ST7: variants seen among roughly 807,000 people sequenced by gnomAD.
ST7 encodes the protein suppression of tumorigenicity 7, also known as suppressor of tumorigenicity 7 protein.
In ST7, 28 loss-of-function variants were observed where a neutral mutation model predicts 78.7. The observed-to-expected ratio is 0.36, with a 90% CI of 0.26 to 0.49. The LOEUF is 0.49. ST7 is among the 20% of genes least tolerant of loss of function. The pLI, the probability that ST7 is intolerant of heterozygous loss-of-function variation, is 0.99. For synonymous variants in ST7, 247 were observed against 249.6 expected, an observed-to-expected ratio of 0.99 and a Z score of 0.10; for missense variants, 418 against 696.0, an observed-to-expected ratio of 0.60 and a Z score of 4.49.
chr7:117,192,635 A>G (rs1809892899), intron 12 of ST7, among the ~76,000 whole-genome samples: 1 of 152,222 alleles, frequency 6.6e-6, no homozygotes, highest in African/African-American at 2.4e-5. Flanking sequence ...TCTAGGAACC[A>G]GATCTTTTAC....
At chr7:116,957,156 G>C (rs982751664) in intron 1 of ST7, 1 of 156,238 alleles carries the variant, frequency 6.4e-6, no homozygotes, top group African/African-American at 2.4e-5. Flanking sequence ...ACTCCCACCA[G>C]CTTGGCTCGT....
chr7:117,212,258 A>G (rs1304886366), intron 13 of ST7, among the ~76,000 whole-genome samples: 3 of 152,258 alleles, frequency 2.0e-5, no homozygotes, highest in Non-Finnish European at 4.4e-5. Flanking sequence ...TAGGCCGGAC[A>G]GAGGTGGCCA....
chr7:117,041,540 A>G (rs1797228360), intron 1 of ST7, among the ~76,000 whole-genome samples: 1 of 152,136 alleles, frequency 6.6e-6, no homozygotes, highest in African/African-American at 2.4e-5. Context: ...TTTCCTATAA[A>G]TTGTTTCCCA....
intron 1 of ST7, among the ~76,000 whole-genome samples, chr7:116,971,459 G>C (rs1793415082): frequency 6.6e-6 from 1 of 152,044 alleles, no homozygotes; most frequent in Admixed American, 6.6e-5. Context: ...AGGGGGTAGA[G>C]ATGGGACAAA....
intron 13 of ST7, 141 bp downstream of exon 13, chr7:117,210,078 G>T: frequency 9.9e-7 from 1 of 1,008,004 alleles, no homozygotes. Context: ...GCCAGTTAGT[G>T]ACTTAGGTTC....
chr7:117,219,195 C>G lies in ST7; in HGVS notation c.1498+19C>G. On this transcript the variant is annotated intron_variant, in intron 14 of 15. Coordinates refer to ENST00000323984, the MANE Select transcript of ST7 (RefSeq NM_001369598.1). This position sits in a 1 kb window ranked among gnomAD's most constrained non-coding sequence, Gnocchi z 5.1. The stretch of plus-strand genomic sequence containing the variant: ...CTTCCATGTAAGTCTCACCTCTCTT[C>G]AGCCAGTGAGGGTGTGTGGTGAAAG... 6.3e-7 allele frequency: 1 copy of G among 1,591,954 alleles called. No homozygotes were observed. Among genetic ancestry groups the G allele is most frequent in the Non-Finnish European group, 8.6e-7 (1 of 1,161,980 alleles).
intron 2 of ST7, among the ~76,000 whole-genome samples, chr7:117,107,172 T>A (rs1399863866): frequency 2.0e-5 from 3 of 152,224 alleles, no homozygotes; most frequent in Non-Finnish European, 2.9e-5. Flanking sequence ...CACTTATTGA[T>A]GAGCATTTGG....
At chr7:117,227,365 A>G (rs1028341771) in intron 15 of ST7, among the ~76,000 whole-genome samples, 25 of 152,210 alleles carry the variant, frequency 1.6e-4, no homozygotes, top group Middle Eastern at 3.2e-3. Context: ...TCTTCAGGAT[A>G]TAACTTTGCC....
At chr7:117,161,428 CTTCTT>C (rs1584494283) in intron 9 of ST7, among the ~76,000 whole-genome samples, 1 of 151,614 alleles carries the variant, frequency 6.6e-6, no homozygotes, top group Non-Finnish European at 1.5e-5. Context: ...TTCCCTTCAC[CTTCTT>C]TTCTTTTATT....
intron 12 of ST7, among the ~76,000 whole-genome samples, chr7:117,201,412 C>T (rs1013742463): frequency 2.0e-5 from 3 of 152,158 alleles, no homozygotes; most frequent in Non-Finnish European, 1.5e-5. Flanking sequence ...CCACCAGGCT[C>T]ATTACCTCTA....
intron 10 of ST7, among the ~76,000 whole-genome samples, chr7:117,178,987 T>A (rs1808542654): frequency 6.6e-6 from 1 of 152,216 alleles, no homozygotes. Context: ...TCTTTGTTTT[T>A]TCTACTTTTC....
rs75428972 is a variant in ST7 at position 117,083,167 on chromosome 7, C to T, written c.152-16595C>T. Among the ~76,000 whole-genome samples, 521 of 152,312 alleles carry T rather than the reference C, an allele frequency of 3.4e-3. 10 individuals carry two copies. The East Asian group carries it at 0.049, about 14-fold the overall frequency. On this transcript the variant is annotated intron_variant, in intron 1 of 15. Transcript: ENST00000323984. Reference sequence around the variant, plus strand: ...CTCTACCTCCCAGTTTCAAGCGATTCTCTTGCTTCAGCTTCCAGAGTAGCT... The same window carrying T: ...CTCTACCTCCCAGTTTCAAGCGATTTTCTTGCTTCAGCTTCCAGAGTAGCT...
intron 3 of ST7, among the ~76,000 whole-genome samples, chr7:117,124,130 G>A (rs1197979735): frequency 6.6e-6 from 1 of 152,016 alleles, no homozygotes; most frequent in East Asian, 1.9e-4. Flanking sequence ...AAACAATGGC[G>A]ATGTAGAAAT....
intron 9 of ST7, among the ~76,000 whole-genome samples, chr7:117,170,620 G>T (rs911168453): frequency 6.6e-6 from 1 of 152,122 alleles, no homozygotes; most frequent in Non-Finnish European, 1.5e-5. Flanking sequence ...GGTGGAGGTT[G>T]CAGTGAGCTG....
At chr7:116,958,698 A>C (rs1203054298) in intron 1 of ST7, 1 of 471,134 alleles carries the variant, frequency 2.1e-6, no homozygotes. Context: ...GAGTCCCATG[A>C]AATTTTTGGT....
At chr7:117,032,249 A>G (rs1796639934) in intron 1 of ST7, among the ~76,000 whole-genome samples, 1 of 152,160 alleles carries the variant, frequency 6.6e-6, no homozygotes, top group Admixed American at 6.5e-5. Context: ...AATTATGTTT[A>G]TGTAAATGCT....
rs1798591461 is a variant in ST7 at position 117,065,557 on chromosome 7, TTCTA to T, written c.152-34202_152-34199del. ...ATACCAGTTCACTCTTCCTTTTGTATTCTATCCAGTGCAGGCTGCATATATAGAG... is the reference window on the plus strand; with the variant it reads ...ATACCAGTTCACTCTTCCTTTTGTATTCCAGTGCAGGCTGCATATATAGAG... On this transcript the variant is annotated intron_variant, in intron 1 of 15. Transcript: ENST00000323984. 3.3e-5 allele frequency among the ~76,000 whole-genome samples: 5 copies of T among 152,288 alleles called. No homozygotes were observed. In the South Asian group the frequency reaches 1.0e-3, roughly 32 times the overall value.
chr7:117,138,907 G>A (rs1436854712), intron 9 of ST7, among the ~76,000 whole-genome samples: 1 of 152,160 alleles, frequency 6.6e-6, no homozygotes, highest in Non-Finnish European at 1.5e-5. Flanking sequence ...AGCCAATAAT[G>A]AGACCAGCCA....
chr7:117,050,915 C>T (rs1046417083), intron 1 of ST7, among the ~76,000 whole-genome samples: 9 of 136,068 alleles, frequency 6.6e-5, no homozygotes, highest in African/African-American at 1.1e-4. Context: ...GGCGACAGAG[C>T]GAGACTACGT....
Sources: allele counts gnomAD v4.1 joint callset (sites outside exome capture counted in the v4.1 genomes callset), GRCh38; gene constraint gnomAD v4.1.1; non-coding constraint Gnocchi (gnomAD v3.1); transcripts MANE v1.5; gene names NCBI Gene and HGNC (gene_info 2026-07-23, HGNC 2026-07-21).